The following LDB2 variants were observed in gnomAD, a reference collection of about 807,000 sequenced individuals.
LDB2 encodes the protein LIM domain binding 2.
A neutral mutation model predicts 44.3 loss-of-function variants in LDB2; 12 were observed. That is an observed-to-expected ratio of 0.27 (90% CI 0.17 to 0.44). LDB2 has a LOEUF of 0.44. Ranked by LOEUF, LDB2 falls within the 20% of genes least tolerant of loss-of-function variation. The pLI is 1.00. For synonymous variants in LDB2, 164 were observed against 174.8 expected, an observed-to-expected ratio of 0.94 and a Z score of 0.49; for missense variants, 344 against 473.5, an observed-to-expected ratio of 0.73 and a Z score of 2.54.
chr4:16,863,444 T>C (rs1215108071), intron 1 of LDB2, among the ~76,000 whole-genome samples: 1 of 152,216 alleles, frequency 6.6e-6, no homozygotes, highest in Non-Finnish European at 1.5e-5. Context: ...CAAGGGATTG[T>C]GGTGCAAGTG....
chr4:16,810,537 A>G (rs1360563327), intron 1 of LDB2, among the ~76,000 whole-genome samples: 2 of 151,854 alleles, frequency 1.3e-5, no homozygotes, highest in African/African-American at 4.8e-5. Context: ...CTGTCCTTAG[A>G]AAGATGAACA....
intron 2 of LDB2, among the ~76,000 whole-genome samples, chr4:16,630,278 A>G (rs1210844922): frequency 6.6e-6 from 1 of 152,244 alleles, no homozygotes; most frequent in East Asian, 1.9e-4. Flanking sequence ...GTGGGGGCCA[A>G]TATTCAACAT....
chr4:16,670,073 G>C (rs1744311278), intron 2 of LDB2, among the ~76,000 whole-genome samples: 3 of 152,166 alleles, frequency 2.0e-5, no homozygotes, highest in African/African-American at 7.2e-5. Context: ...TTTCTGTCTG[G>C]TCCTTCACAG....
chr4:16,572,877 A>G (rs1747058390), intron 5 of LDB2, among the ~76,000 whole-genome samples: 1 of 152,124 alleles, frequency 6.6e-6, no homozygotes, highest in Non-Finnish European at 1.5e-5. Context: ...CCTTTCTCCA[A>G]GAAAGAGGAG....
chr4:16,860,076 T>C (rs1035921380), intron 1 of LDB2, among the ~76,000 whole-genome samples: 1 of 152,120 alleles, frequency 6.6e-6, no homozygotes, highest in Non-Finnish European at 1.5e-5. Context: ...CATGGGAAAA[T>C]GCACTCAAAG....
chr4:16,780,540 A>G (rs1772965311), intron 1 of LDB2, among the ~76,000 whole-genome samples: 1 of 152,094 alleles, frequency 6.6e-6, no homozygotes, highest in Admixed American at 6.6e-5. Flanking sequence ...TTCCTGTTAG[A>G]TATAGGTGGC....
chr4:16,579,343 A>G (rs1473566423), intron 5 of LDB2, among the ~76,000 whole-genome samples: 1 of 152,198 alleles, frequency 6.6e-6, no homozygotes, highest in Non-Finnish European at 1.5e-5. Flanking sequence ...TTAACAAAAC[A>G]CAAAAGAAGC....
chr4:16,883,098 T>C (rs1454503908), intron 1 of LDB2, among the ~76,000 whole-genome samples: 2 of 152,218 alleles, frequency 1.3e-5, no homozygotes, highest in African/African-American at 4.8e-5. Context: ...AGGCAAAACA[T>C]GGTCCTCTCC....
At chr4:16,897,928 A>ATG (rs1441625446) in intron 1 of LDB2, among the ~76,000 whole-genome samples, 13 of 17,576 alleles carry the variant, frequency 7.4e-4, no homozygotes, top group East Asian at 4.3e-3. Flanking sequence ...ATATATATAT[A>ATG]TATATATATA....
intron 2 of LDB2, among the ~76,000 whole-genome samples, chr4:16,673,123 A>T (rs1745346184): frequency 6.6e-6 from 1 of 151,968 alleles, no homozygotes; most frequent in South Asian, 2.1e-4. Flanking sequence ...TCTGAAAGAG[A>T]GTAGTAATTA....
intron 1 of LDB2, among the ~76,000 whole-genome samples, chr4:16,844,439 A>T (rs759813651): frequency 4.6e-5 from 7 of 152,092 alleles, no homozygotes; most frequent in East Asian, 1.9e-4. Flanking sequence ...CTGGAAAAGG[A>T]ACTTCTAAAC....
At chr4:16,704,815 A>G (rs564560072) in intron 2 of LDB2, among the ~76,000 whole-genome samples, 73 of 152,342 alleles carry the variant, frequency 4.8e-4, no homozygotes, top group Non-Finnish European at 9.3e-4. Flanking sequence ...GAAGCCACAG[A>G]CTGCTTGCTC....
At chr4:16,857,318 C>G (rs943836445) in intron 1 of LDB2, among the ~76,000 whole-genome samples, 1 of 152,194 alleles carries the variant, frequency 6.6e-6, no homozygotes, top group Non-Finnish European at 1.5e-5. Flanking sequence ...TCTACCACCT[C>G]CACTTCTACT....
intron 1 of LDB2, among the ~76,000 whole-genome samples, chr4:16,874,234 A>G (rs1157969960): frequency 6.6e-6 from 1 of 152,092 alleles, no homozygotes; most frequent in African/African-American, 2.4e-5. Context: ...AGATCTTAAG[A>G]TTCAGTTTTA....
chr4:16,793,767 G>A (rs1253043662), intron 1 of LDB2, among the ~76,000 whole-genome samples: 1 of 152,156 alleles, frequency 6.6e-6, no homozygotes, highest in Non-Finnish European at 1.5e-5. Flanking sequence ...GAGCACAGCT[G>A]TATAGAACAT....
intron 2 of LDB2, among the ~76,000 whole-genome samples, chr4:16,631,717 G>A (rs2152495667): frequency 6.6e-6 from 1 of 151,828 alleles, no homozygotes; most frequent in Middle Eastern, 3.4e-3. Context: ...AAAGAGAGAA[G>A]AATCAAATAG....
At chr4:16,604,479 T>G (rs890012657) in intron 2 of LDB2, among the ~76,000 whole-genome samples, 1 of 149,518 alleles carries the variant, frequency 6.7e-6, no homozygotes, top group Non-Finnish European at 1.5e-5. Flanking sequence ...ATATATATTC[T>G]TATATATATA....
At chr4:16,640,887 C>A (rs950887171) in intron 2 of LDB2, among the ~76,000 whole-genome samples, 10 of 152,138 alleles carry the variant, frequency 6.6e-5, no homozygotes, top group Non-Finnish European at 1.3e-4. Flanking sequence ...GAAATATTGT[C>A]ATTTTTAGTT....
chr4:16,854,845 A>G lies in LDB2; in HGVS notation c.132+43509T>C, dbSNP rs117281054. 1.9e-3 allele frequency among the ~76,000 whole-genome samples: 282 copies of G among 152,126 alleles called. 3 individuals carry two copies. In the East Asian group the frequency reaches 0.044, roughly 24 times the overall value. On this transcript the variant is annotated intron_variant, in intron 1 of 7. Coordinates refer to ENST00000304523, the MANE Select transcript of LDB2 (RefSeq NM_001290.5). ...GTTAGCACATTTCATACACTGTGGCATTTTACTACGTATGGATGCACACGA... is the reference window on the plus strand; with the variant it reads ...GTTAGCACATTTCATACACTGTGGCGTTTTACTACGTATGGATGCACACGA...
Sources: allele counts gnomAD v4.1 joint callset (sites outside exome capture counted in the v4.1 genomes callset), GRCh38; gene constraint gnomAD v4.1.1; transcripts MANE v1.5; gene names NCBI Gene and HGNC (gene_info 2026-07-23, HGNC 2026-07-21).